Variants in TRIM66 observed in about 807,000 individuals in gnomAD.
The protein encoded by TRIM66 is tripartite motif-containing protein 66.
Under a neutral mutation model 148.2 loss-of-function variants are expected in TRIM66, and 99 were observed. The ratio of observed to expected loss-of-function variants is 0.67; its 90% CI spans 0.57 to 0.79. TRIM66 has a LOEUF of 0.79. Among genes scored for constraint, TRIM66 ranks in the 30% least tolerant of loss-of-function variants. The pLI, the probability that TRIM66 is intolerant of heterozygous loss-of-function variation, is 0.00. For synonymous variants in TRIM66, 616 were observed against 635.9 expected (o/e 0.97, Z 0.47); for missense variants, 1,666 against 1,697.9 (o/e 0.98, Z 0.33).
Position 8,646,450 on chromosome 11 carries a change from TA to T in TRIM66, c.953del (p.Leu318Ter). On this transcript the variant is annotated frameshift_variant, in exon 11 of 25. Transcript: ENST00000646038. LOFTEE classifies it high-confidence loss of function. Reference sequence around the variant, plus strand: ...TGATCCATCTGTCTATACATACCTCTAATTCCTCTATTAGCCCATTGGCCTG... The same window carrying T: ...TGATCCATCTGTCTATACATACCTCTATTCCTCTATTAGCCCATTGGCCTG... Reference protein sequence around the residue: ...NKQANGLIEELEGITNERKRK... With the variant: ...NKQANGLIEEXEGITNERKRK... 6.4e-7 allele frequency: 1 copy of T among 1,552,060 alleles called. No individual in the cohort carries two copies. Among genetic ancestry groups the T allele is most frequent in the Non-Finnish European group, 8.7e-7 (1 of 1,146,898 alleles).
intron 8 of TRIM66, among the ~76,000 whole-genome samples, chr11:8,649,201 C>A (rs971020408): frequency 6.6e-6 from 1 of 152,038 alleles, no homozygotes; most frequent in South Asian, 2.1e-4. Context: ...TAGCTGGGCG[C>A]GGTGGCGCAT....
At chr11:8,666,277 T>A (rs1425062841) in intron 6 of TRIM66, among the ~76,000 whole-genome samples, 1 of 137,412 alleles carries the variant, frequency 7.3e-6, no homozygotes, top group Non-Finnish European at 1.5e-5. Context: ...AGGCAGAGGT[T>A]CCAGTGAGCC....
intron 6 of TRIM66, among the ~76,000 whole-genome samples, chr11:8,652,933 T>G (rs895644781): frequency 1.1e-4 from 17 of 152,218 alleles, no homozygotes; most frequent in Non-Finnish European, 2.1e-4. Flanking sequence ...GCAAAACACT[T>G]AATCTCACTT....
intron 10 of TRIM66, among the ~76,000 whole-genome samples, chr11:8,647,617 G>A (rs1319382193): frequency 2.6e-5 from 4 of 152,158 alleles, no homozygotes; most frequent in Non-Finnish European, 5.9e-5. Flanking sequence ...AGCACAGATT[G>A]CCCCTGGTTT....
At chr11:8,666,342 A>G (rs889290497) in intron 6 of TRIM66, among the ~76,000 whole-genome samples, 14 of 117,388 alleles carry the variant, frequency 1.2e-4, no homozygotes, top group African/African-American at 4.1e-4. Flanking sequence ...TCCGCCTCAG[A>G]AAAAAAAAAA....
Position 8,640,702 on chromosome 11 carries a change from A to G in TRIM66, c.1673T>C (p.Ile558Thr). Residue 558 changes from isoleucine (I) to threonine (T), a missense_variant, in exon 14 of 25, where the codon ATT (isoleucine) becomes ACT (threonine). Physicochemically the swap from Ile to Thr is moderately conservative, Grantham distance 89. Transcript: ENST00000646038. ...GQQLTSQPVC[I>T]VPPQDVQQGA... ...TTGCTGAACATCCTGTGGGGGGACA[A>G]TGCACACGGGCTGGGAAGTCAGCTG... 1 of 1,551,556 alleles carries G rather than the reference A, an allele frequency of 6.4e-7. No individual in the cohort carries two copies. Among genetic ancestry groups the G allele is most frequent in the Non-Finnish European group, 8.7e-7 (1 of 1,146,982 alleles).
At chr11:8,628,636 A>AAAGAGAG (rs1555042270) in intron 15 of TRIM66, among the ~76,000 whole-genome samples, 30 of 93,336 alleles carry the variant, frequency 3.2e-4, no homozygotes, top group Middle Eastern at 0.012. Context: ...AAAAAAAAAA[A>AAAGAGAG]AGAGAGAGAA....
At chr11:8,680,706 T>C (rs1464802205) in intron 1 of TRIM66, 1 of 152,246 alleles carries the variant, frequency 6.6e-6, no homozygotes, top group Non-Finnish European at 1.5e-5. Context: ...AGTGACCATA[T>C]GGGTGTGGAG....
chr11:8,647,884 C>A (rs751462467), intron 10 of TRIM66, 86 bp downstream of exon 10: 12 of 1,001,842 alleles, frequency 1.2e-5, no homozygotes, highest in Admixed American at 6.0e-5. Flanking sequence ...TCTTCACAGG[C>A]ACTACATCTG....
chr11:8,658,765 CAA>C (rs1181758785), intron 6 of TRIM66: 1 of 985,162 alleles, frequency 1.0e-6, no homozygotes, highest in Non-Finnish European at 1.2e-6. Context: ...AGCAGGAGCC[CAA>C]GATATCCCTC....
chr11:8,613,657 G>A lies in TRIM66; in HGVS notation c.*4287C>T, dbSNP rs1032607454. 11 of 152,356 alleles carry A rather than the reference G, an allele frequency of 7.2e-5. No homozygotes were observed. Among genetic ancestry groups the A allele is most frequent in the African/African-American group, 2.7e-4 (11 of 41,440 alleles). 9.4% of individuals were successfully genotyped at this position (152,356 alleles called of 1,614,324 possible). A position where few individuals can be genotyped will look rare whatever the true frequency, so the allele number is the denominator to read the frequency against. The stretch of plus-strand genomic sequence containing the variant: ...CTGGAGACTCCAGGGAGTGGGAGCA[G>A]TGGAGTAAGCGAGGGAGCAGTCTTG... On this transcript the variant is annotated 3_prime_UTR_variant, in exon 25 of 25. Coordinates refer to ENST00000646038, the MANE Select transcript of TRIM66 (RefSeq NM_001388022.1).
chr11:8,650,900 G>C (rs1323829740), intron 7 of TRIM66, among the ~76,000 whole-genome samples: 1 of 152,224 alleles, frequency 6.6e-6, no homozygotes, highest in African/African-American at 2.4e-5. Context: ...CAGCAAGATG[G>C]TCAAATGCAA....
Position 8,616,720 on chromosome 11 carries a change from A to G in TRIM66, c.*1224T>C, listed in dbSNP as rs1203367128. On this transcript the variant is annotated 3_prime_UTR_variant, in exon 25 of 25. Transcript: ENST00000646038. ...AAGGACACTGGCTTTTTGCCTCTTG[A>G]TTTTTCCCCCTGTCCACCTTAGACA... The G allele has an allele frequency of 6.6e-6, 1 of 152,022 alleles. No individual in the cohort carries two copies. The highest frequency in any genetic ancestry group is 1.5e-5 in the Non-Finnish European group (1 of 68,070). 9.4% of individuals were successfully genotyped at this position (152,022 alleles called of 1,614,324 possible). A position where few individuals can be genotyped will look rare whatever the true frequency, so the allele number is the denominator to read the frequency against.
In TRIM66 at chr11:8,621,650, T is replaced by C. The variant is rs1424980680; in HGVS notation, c.3250A>G (p.Ile1084Val). The C allele has an allele frequency of 2.0e-6, 3 of 1,530,196 alleles. No individual in the cohort carries two copies. The highest frequency in any genetic ancestry group is 2.5e-5 in the South Asian group (2 of 79,450). The allele number at this position is 1,530,196 out of a possible 1,614,324, so 94.8% of individuals were successfully genotyped here. A position where few individuals can be genotyped will look rare whatever the true frequency, so the allele number is the denominator to read the frequency against. ...ECGTESSSMS[I>V]KVSQDRLSEA... ...AAGGCAAAGCAAAGTGGTACCTTAA[T>C]GGACATGCTGGAGGACTCAGTGCCA... Residue 1084 changes from isoleucine to valine, a missense_variant, in exon 19 of 25, where the codon ATT (isoleucine) becomes GTT (valine). Physicochemically the swap from Ile to Val is conservative, Grantham distance 29. This residue lies in a region of TRIM66 where 1,431 missense variants were observed against 1,412.4 expected (regional missense o/e 1.01). Transcript: ENST00000646038.
rs1255312169 is a variant in TRIM66, at chr11:8,624,820, A to G, written c.2719T>C (p.Ser907Pro). 1 of 1,551,588 alleles carries G rather than the reference A, an allele frequency of 6.4e-7. No individual in the cohort carries two copies. The highest frequency in any genetic ancestry group is 1.4e-5 in the African/African-American group (1 of 73,058). ...GACCCAGTTTCTGGCTGCATGTCAG[A>G]AACTGGAGGGATGCTCTGCAGAGGA... is the stretch of plus-strand genomic sequence containing the variant. Reference protein sequence around the residue: ...TCPLQSIPPVSDMQPETGSSS... With the variant: ...TCPLQSIPPVPDMQPETGSSS... The change falls in exon 16 of 25, where the codon TCT becomes CCT. Residue 907 changes from serine to proline, a missense_variant. This residue lies in a region of TRIM66 where 1,431 missense variants were observed against 1,412.4 expected (regional missense o/e 1.01). Coordinates refer to ENST00000646038, the MANE Select transcript of TRIM66 (RefSeq NM_001388022.1).
chr11:8,660,939 G>A (rs1032428112), intron 6 of TRIM66, among the ~76,000 whole-genome samples: 7 of 152,212 alleles, frequency 4.6e-5, no homozygotes, highest in African/African-American at 1.2e-4. Flanking sequence ...CAGGAGGTGA[G>A]GCTACAGCAT....
chr11:8,648,862 C>T (rs1465191976), intron 8 of TRIM66, among the ~76,000 whole-genome samples: 1 of 152,242 alleles, frequency 6.6e-6, no homozygotes, highest in East Asian at 1.9e-4. Flanking sequence ...TCACAATTAA[C>T]CTTAACCTGT....
intron 15 of TRIM66, among the ~76,000 whole-genome samples, chr11:8,628,669 T>C (rs1408592308): frequency 7.2e-6 from 1 of 138,162 alleles, no homozygotes; most frequent in Non-Finnish European, 1.6e-5. Context: ...GTACCAAAGC[T>C]ACAACTTAAT....
In TRIM66 at chr11:8,641,193, G is replaced by C. The variant is rs762129436; in HGVS notation, c.1223-41C>G. On this transcript the variant is annotated intron_variant, in intron 13 of 24. Coordinates refer to ENST00000646038, the MANE Select transcript of TRIM66 (RefSeq NM_001388022.1). ...AGAGAGTTTTTCAAAAGTTTTTCAA[G>C]TTGCTCCCACCTTGCTACTTCCTGC... is the stretch of plus-strand genomic sequence containing the variant. 6.6e-6 allele frequency: 10 copies of C among 1,508,300 alleles called. No homozygotes were observed. The African/African-American group carries it at 9.7e-5, about 15-fold the overall frequency. The allele number at this position is 1,508,300 out of a possible 1,614,324, so 93.4% of individuals were successfully genotyped here.
Sources: allele counts gnomAD v4.1 joint callset (sites outside exome capture counted in the v4.1 genomes callset), GRCh38; gene constraint gnomAD v4.1.1; regional missense constraint gnomAD v4.1.1; transcripts MANE v1.5; gene names NCBI Gene and HGNC (gene_info 2026-07-23, HGNC 2026-07-21).